Variants in TMEM164 observed in about 807,000 individuals in gnomAD.
The protein encoded by TMEM164 is transmembrane protein 164, also known as RP13-360B22.2.
A neutral mutation model predicts 18.8 loss-of-function variants in TMEM164; 4 were observed. That is an observed-to-expected ratio of 0.21 (90% confidence interval 0.10 to 0.49). The LOEUF (loss-of-function observed/expected upper bound fraction) is 0.49. Ranked by LOEUF, TMEM164 falls within the 20% of genes least tolerant of loss-of-function variation. The probability of loss-of-function intolerance (pLI) is 0.98; values close to 1 mark genes in which losing one functional copy is unlikely to be tolerated. For synonymous variants in TMEM164, 86 were observed against 101.7 expected (o/e 0.85, Z 0.93); for missense variants, 108 against 239.9 (o/e 0.45, Z 3.63).
intron 5 of TMEM164, among the ~76,000 whole-genome samples, chrX:110,155,317 A>G (rs1407465757): frequency 9.0e-6 from 1 of 110,738 alleles, no homozygotes. Flanking sequence ...TTCTTCATCA[A>G]TAGAGATAAC....
intron 5 of TMEM164, among the ~76,000 whole-genome samples, chrX:110,149,781 C>T (rs1368333359): frequency 8.9e-6 from 1 of 112,140 alleles, no homozygotes; most frequent in African/African-American, 3.2e-5. Flanking sequence ...CAAACCCAAC[C>T]TGTCTGTGTC....
chrX:110,094,709 G>C (rs766400293), intron 3 of TMEM164, among the ~76,000 whole-genome samples: 14 of 111,754 alleles, frequency 1.3e-4, no homozygotes, highest in African/African-American at 4.6e-4. Context: ...GTGTGAATTT[G>C]ATCCTGTCAT....
chrX:110,182,833 A>G (rs1453772951), downstream of TMEM164: 2 of 112,130 alleles, frequency 1.8e-5, no homozygotes, highest in African/African-American at 6.5e-5. Flanking sequence ...CAGTCCTGGC[A>G]GTCACTCAAA....
rs560695330 is a variant in TMEM164 at position 110,116,822 on chromosome X, TTGTGTGTG to T, written c.507+7699_507+7706del. Among the ~76,000 whole-genome samples, 5 of 97,039 alleles carry T rather than the reference TTGTGTGTG, an allele frequency of 5.2e-5. No homozygotes were observed. The South Asian group carries it at 2.0e-3, about 39-fold the overall frequency. 84.3% of individuals were successfully genotyped at this position (97,039 alleles called of 115,157 possible). Reference sequence around the variant, plus strand: ...TTCATGTTCTGGCTGGGCCACTCCCTTGTGTGTGTGTGTGTGTGTGTGTGTGTGTGCGC... The same window carrying T: ...TTCATGTTCTGGCTGGGCCACTCCCTTGTGTGTGTGTGTGTGTGTGTGCGC... On this transcript the variant is annotated intron_variant, in intron 4 of 6. Transcript: ENST00000372068.
At chrX:110,057,822 C>T (rs956781547) in intron 2 of TMEM164, among the ~76,000 whole-genome samples, 3 of 110,125 alleles carry the variant, frequency 2.7e-5, no homozygotes. Flanking sequence ...AGATCCTTTG[C>T]CCATTTTAAA....
chrX:110,030,093 T>C (rs1303305056), intron 2 of TMEM164, among the ~76,000 whole-genome samples: 2 of 102,963 alleles, frequency 1.9e-5, no homozygotes, highest in African/African-American at 7.0e-5. Context: ...TTTTTCTCTC[T>C]CTTTTTCTCT....
chrX:110,058,548 C>T (rs1237481566), intron 2 of TMEM164, among the ~76,000 whole-genome samples: 1 of 107,004 alleles, frequency 9.3e-6, no homozygotes, highest in Non-Finnish European at 1.9e-5. Context: ...CTATTAGATA[C>T]ATGATTTGCA....
rs147232478 is a variant in TMEM164 at position 110,104,410 on chromosome X, C to T, written c.441-4670C>T. Reference sequence around the variant, plus strand: ...ATAAAAAAGTGATCCTTGTGGTTCTCGCATTTTTCATGGTGTTTAGTGCAA... The same window carrying T: ...ATAAAAAAGTGATCCTTGTGGTTCTTGCATTTTTCATGGTGTTTAGTGCAA... On this transcript the variant is annotated intron_variant, in intron 3 of 6. Coordinates refer to ENST00000372068, the MANE Select transcript of TMEM164 (RefSeq NM_032227.4). Among the ~76,000 whole-genome samples the T allele has an allele frequency of 9.1e-3, 1,017 of 111,644 alleles. 8 individuals carry two copies. The highest frequency in any genetic ancestry group is 0.028 in the African/African-American group (870 of 30,717).
chrX:110,141,184 T>G (rs1287082111), intron 4 of TMEM164, among the ~76,000 whole-genome samples: 1 of 111,932 alleles, frequency 8.9e-6, no homozygotes, highest in Non-Finnish European at 1.9e-5. Context: ...TTTTCCTCCA[T>G]TATTGATTGC....
chrX:110,181,005 C>A (rs1216710042), downstream of TMEM164, among the ~76,000 whole-genome samples: 2 of 111,658 alleles, frequency 1.8e-5, no homozygotes, highest in Admixed American at 1.9e-4. Flanking sequence ...GAGGGATCTT[C>A]CTGTGCATTC....
At chrX:110,046,234 G>A in intron 2 of TMEM164, 2 of 754,718 alleles carry the variant, frequency 2.7e-6, no homozygotes, top group Non-Finnish European at 3.1e-6. Flanking sequence ...CAGTGAGAAT[G>A]AAAAGAGGCA....
At chrX:110,021,770 G>A (rs930248035) in intron 2 of TMEM164, among the ~76,000 whole-genome samples, 18 of 112,146 alleles carry the variant, frequency 1.6e-4, no homozygotes, top group African/African-American at 4.2e-4. Context: ...CTTCTCTAAC[G>A]GTAGGTTAAG....
intron 5 of TMEM164, among the ~76,000 whole-genome samples, chrX:110,170,899 C>G (rs1187529431): frequency 8.9e-6 from 1 of 111,744 alleles, no homozygotes; most frequent in East Asian, 2.8e-4. Flanking sequence ...GGATTTTAAA[C>G]AACTTTTCAC....
intron 2 of TMEM164, chrX:110,046,597 G>C: frequency 2.0e-6 from 1 of 495,806 alleles, no homozygotes; most frequent in African/African-American, 2.6e-5. Context: ...CTCTTCTGGT[G>C]TCACTAGGAG....
chrX:110,025,901 A>G (rs765634835), intron 2 of TMEM164, among the ~76,000 whole-genome samples: 1 of 112,404 alleles, frequency 8.9e-6, no homozygotes, highest in African/African-American at 3.2e-5. Flanking sequence ...CTGAGCTCAA[A>G]GCTAATTTCT....
intron 6 of TMEM164, 75 bp downstream of exon 6, chrX:110,171,595 T>A (rs948905359): frequency 2.4e-6 from 2 of 841,685 alleles, no homozygotes; most frequent in African/African-American, 4.0e-5. Flanking sequence ...TGGTTGGTGC[T>A]GACGTATCAC....
At chrX:110,127,203 G>A (rs994630436) in intron 4 of TMEM164, among the ~76,000 whole-genome samples, 79 of 111,120 alleles carry the variant, frequency 7.1e-4, no homozygotes, top group Non-Finnish European at 4.5e-4. Flanking sequence ...CTAGCAAGGT[G>A]TTTTAGTGTG....
chrX:110,093,072 G>C (rs1410672392), intron 3 of TMEM164, among the ~76,000 whole-genome samples: 1 of 111,884 alleles, frequency 8.9e-6, no homozygotes, highest in African/African-American at 3.3e-5. Flanking sequence ...ACTTGATCGT[G>C]ATGGATAAGC....
At chrX:110,035,497 C>T (rs75800055) in intron 2 of TMEM164, among the ~76,000 whole-genome samples, 4,025 of 108,978 alleles carry the variant, frequency 0.037, 202 homozygotes, top group African/African-American at 0.13. Flanking sequence ...ATTTACCTAG[C>T]CATTTCCTTT....
Sources: allele counts gnomAD v4.1 joint callset (sites outside exome capture counted in the v4.1 genomes callset), GRCh38; gene constraint gnomAD v4.1.1; transcripts MANE v1.5; gene names NCBI Gene and HGNC (gene_info 2026-07-23, HGNC 2026-07-21).